The following WDR26 variants were observed in gnomAD, a reference collection of about 807,000 sequenced individuals.
WDR26 encodes WD repeat domain 26.
WDR26 carries 5 observed loss-of-function variants against 84.1 expected under a neutral mutation model. The ratio of observed to expected loss-of-function variants is 0.06; its 90% CI spans 0.03 to 0.13. The LOEUF is 0.13. WDR26 is among the 10% of genes least tolerant of loss of function. The pLI is 1.00. For synonymous variants in WDR26, 415 were observed against 389.6 expected (o/e 1.07, Z -0.77); for missense variants, 642 against 974.9 (o/e 0.66, Z 4.55).
Position 224,433,850 on chromosome 1 carries a change from C to T in WDR26, c.556G>A (p.Ala186Thr). 2.0e-6 allele frequency: 3 copies of T among 1,536,864 alleles called. No homozygotes were observed. The highest frequency in any genetic ancestry group is 1.2e-5 in the South Asian group (1 of 84,060). ...GCTGCGACGGTGGCTGAGGATGCGGCGGCCGCCCCGCCGGGAACCCCGTTA... is the reference window on the plus strand; with the variant it reads ...GCTGCGACGGTGGCTGAGGATGCGGTGGCCGCCCCGCCGGGAACCCCGTTA... The change falls in exon 1 of 14, where the codon GCC becomes ACC. Residue 186 changes from alanine to threonine, a missense_variant. Ala to Thr is a moderately conservative substitution (Grantham distance 58). This residue lies in a region of WDR26 where 291 missense variants were observed against 302.1 expected (regional missense o/e 0.96). Coordinates refer to ENST00000414423, the MANE Select transcript of WDR26 (RefSeq NM_001379403.1).
rs1001115597 is a variant in WDR26, at chr1:224,392,273, A to AT, written c.2260+1554dup. Among the ~76,000 whole-genome samples the AT allele has an allele frequency of 2.8e-4, 43 of 152,136 alleles. 1 individual carries two copies. The highest frequency in any genetic ancestry group is 1.0e-3 in the African/African-American group (43 of 41,514). ...CTACTCGGGAGGCTGAGGCAGGAGAATGGCGTGAACCCAGGAGGCGGAGCT... is the reference window on the plus strand; with the variant it reads ...CTACTCGGGAGGCTGAGGCAGGAGAATTGGCGTGAACCCAGGAGGCGGAGCT... On this transcript the variant is annotated intron_variant, in intron 13 of 13. Transcript: ENST00000414423.
At chr1:224,402,111 T>C (rs1673436780) in intron 8 of WDR26, 2 of 152,184 alleles carry the variant, frequency 1.3e-5, no homozygotes, top group African/African-American at 4.8e-5. Context: ...ATAGTTTTCC[T>C]GTGAGAAATG....
intron 7 of WDR26, among the ~76,000 whole-genome samples, chr1:224,408,614 T>C (rs1673645959): frequency 6.7e-6 from 1 of 149,364 alleles, no homozygotes; most frequent in Non-Finnish European, 1.5e-5. Flanking sequence ...TCTCCCACTC[T>C]GCCATTACTC....
chr1:224,419,455 G>C, intron 5 of WDR26, 63 bp downstream of exon 5: 1 of 1,232,438 alleles, frequency 8.1e-7, no homozygotes, highest in Non-Finnish European at 1.2e-6. Context: ...CTTCCTAATT[G>C]ATCACTGTAT....
intron 3 of WDR26, 136 bp from the exon 4 acceptor site, chr1:224,424,790 C>A (rs1434097513): frequency 1.6e-5 from 18 of 1,148,096 alleles, no homozygotes; most frequent in Non-Finnish European, 2.0e-5. Flanking sequence ...CAAGATGACT[C>A]AAAATATTTT....
At chr1:224,415,016 CT>C (rs1673853743) in intron 6 of WDR26, among the ~76,000 whole-genome samples, 1 of 152,092 alleles carries the variant, frequency 6.6e-6, no homozygotes, top group Non-Finnish European at 1.5e-5. Flanking sequence ...TGAATAAAAA[CT>C]TTTTTTAATT....
In WDR26 at chr1:224,393,834, T is replaced by C; in HGVS notation, c.2254A>G (p.Ile752Val). Residue 752 changes from isoleucine (I) to valine (V), a missense_variant, in exon 13 of 14, where the codon ATT becomes GTT. Coordinates refer to ENST00000414423, the MANE Select transcript of WDR26 (RefSeq NM_001379403.1). ...CATTATACAAAGGTATTACCTTCAA[T>C]ATTCTGGTGGTCTATAAAAGGTGCT... The C allele has an allele frequency of 1.3e-6, 2 of 1,537,530 alleles. No homozygotes were observed. The highest frequency in any genetic ancestry group is 2.3e-5 in the East Asian group (1 of 43,716).
chr1:224,412,138 T>C (rs976820652), intron 6 of WDR26, among the ~76,000 whole-genome samples: 1 of 152,206 alleles, frequency 6.6e-6, no homozygotes, highest in African/African-American at 2.4e-5. Context: ...CAAAAGGAGA[T>C]TAGTATCTAC....
intron 5 of WDR26, among the ~76,000 whole-genome samples, chr1:224,418,758 G>C (rs1242307286): frequency 6.6e-6 from 1 of 152,222 alleles, no homozygotes; most frequent in African/African-American, 2.4e-5. Flanking sequence ...GAGACCAGGT[G>C]TAAGTAAAAT....
intron 12 of WDR26, among the ~76,000 whole-genome samples, chr1:224,396,860 G>A (rs1673278238): frequency 6.6e-6 from 1 of 151,514 alleles, no homozygotes; most frequent in Admixed American, 6.6e-5. Flanking sequence ...AGGAGGTGGA[G>A]GTTGCATCAA....
In WDR26 at chr1:224,422,901, A is replaced by G. The variant is rs575098450; in HGVS notation, c.1064+1617T>C. On this transcript the variant is annotated intron_variant, in intron 4 of 13. Coordinates refer to ENST00000414423, the MANE Select transcript of WDR26 (RefSeq NM_001379403.1). ...AAAGTTAAAAGACAAAGAAAAAGCA[A>G]TATGAGGCTTAAGTTCTTCCCTTAA... Among the ~76,000 whole-genome samples the G allele has an allele frequency of 5.3e-4, 81 of 152,318 alleles. 1 individual carries two copies. The highest frequency in any genetic ancestry group is 1.7e-3 in the African/African-American group (71 of 41,568).
At chr1:224,410,281 CAA>C (rs10707541) in intron 7 of WDR26, among the ~76,000 whole-genome samples, 1,712 of 103,178 alleles carry the variant, frequency 0.017, 15 homozygotes, top group Non-Finnish European at 0.023. Context: ...GACTTTGTCT[CAA>C]AAAAAAAAAA....
intron 13 of WDR26, 104 bp downstream of exon 13, chr1:224,393,724 A>G (rs772194701): frequency 1.4e-4 from 138 of 972,904 alleles, no homozygotes; most frequent in Non-Finnish European, 1.8e-4. Context: ...GAGAAATCAT[A>G]TACCACACTT....
chr1:224,399,036 T>C lies in WDR26; in HGVS notation c.1720-2A>G. 1 of 1,528,482 alleles carries C rather than the reference T, an allele frequency of 6.5e-7. No homozygotes were observed. 94.7% of individuals were successfully genotyped at this position (1,528,482 alleles called of 1,614,324 possible). A position where few individuals can be genotyped will look rare whatever the true frequency, so the allele number is the denominator to read the frequency against. On this transcript the variant is annotated splice_acceptor_variant, in intron 9 of 13. Coordinates refer to ENST00000414423, the MANE Select transcript of WDR26 (RefSeq NM_001379403.1). LOFTEE classifies it high-confidence loss of function. ...GTCAAGGAGATTACCATCTAAGTCC[T>C]GAGTAAGAAAAAACTACTATTAACT... is the stretch of plus-strand genomic sequence containing the variant.
chr1:224,393,801 CAT>C, intron 13 of WDR26, 25 bp downstream of exon 13: 3 of 1,468,050 alleles, frequency 2.0e-6, no homozygotes, highest in African/African-American at 2.8e-5. Context: ...TTGGACAAAA[CAT>C]AGTAACATTA....
At chr1:224,418,201 A>G (rs1572198430) in intron 6 of WDR26, 59 bp downstream of exon 6, 6 of 1,484,208 alleles carry the variant, frequency 4.0e-6, no homozygotes, top group Non-Finnish European at 5.5e-6. Context: ...TCTAAAAAAG[A>G]AAACTAAAAT....
chr1:224,393,657 C>T (rs1269981624), intron 13 of WDR26, among the ~76,000 whole-genome samples, 171 bp downstream of exon 13: 2 of 152,154 alleles, frequency 1.3e-5, no homozygotes, highest in Non-Finnish European at 2.9e-5. Context: ...ACATTATTGG[C>T]TCTTACACTA....
chr1:224,396,243 G>A (rs1373841045), intron 12 of WDR26, among the ~76,000 whole-genome samples: 1 of 151,974 alleles, frequency 6.6e-6, no homozygotes, highest in African/African-American at 2.4e-5. Flanking sequence ...GTTAGTTTGG[G>A]CTTAAAAAAA....
chr1:224,401,432 T>G (rs1572168969), intron 8 of WDR26, among the ~76,000 whole-genome samples: 1 of 152,170 alleles, frequency 6.6e-6, no homozygotes, highest in Middle Eastern at 3.4e-3. Flanking sequence ...GAGCTTCCAC[T>G]TCTCAGTCCA....
Sources: allele counts gnomAD v4.1 joint callset (sites outside exome capture counted in the v4.1 genomes callset), GRCh38; gene constraint gnomAD v4.1.1; regional missense constraint gnomAD v4.1.1; transcripts MANE v1.5; gene names NCBI Gene and HGNC (gene_info 2026-07-23, HGNC 2026-07-21).